The following UMAD1 variants were observed in gnomAD, a reference collection of about 807,000 sequenced individuals.
UMAD1 encodes the protein UBAP1-MVB12-associated (UMA) domain containing 1, also known as UBAP1-MVB12-associated (UMA)-domain containing protein 1.
UMAD1 carries 8 observed loss-of-function variants against 6.1 expected under a neutral mutation model. That is an observed-to-expected ratio of 1.30 (90% confidence interval 0.76 to 2.35). The LOEUF is 2.35. Ranked by LOEUF, UMAD1 falls within the 30% of genes most tolerant of loss-of-function variation. UMAD1 has a pLI of 0.00. For missense variants in UMAD1, 130 were observed against 78.4 expected (o/e 1.66, Z -2.49); for synonymous variants, 56 against 31.4 (o/e 1.78, Z -2.61).
intron 2 of UMAD1, among the ~76,000 whole-genome samples, chr7:7,713,242 G>A (rs1169459521): frequency 9.9e-5 from 15 of 151,996 alleles, no homozygotes; most frequent in Admixed American, 7.2e-4. Context: ...TACTCAGGAG[G>A]CTGAGGCAGG....
At chr7:7,736,601 A>G (rs1443787774) in intron 2 of UMAD1, 6 of 152,124 alleles carry the variant, frequency 3.9e-5, no homozygotes, top group Admixed American at 3.3e-4. Flanking sequence ...ACTGGTTTTC[A>G]TTTCACAGAA....
At chr7:7,777,987 T>C (rs528187320) in intron 2 of UMAD1, among the ~76,000 whole-genome samples, 1 of 152,324 alleles carries the variant, frequency 6.6e-6, no homozygotes, top group East Asian at 1.9e-4. Context: ...AACATAAAAC[T>C]CTGAGACTGT....
At chr7:7,776,616 C>T (rs1214524227) in intron 2 of UMAD1, among the ~76,000 whole-genome samples, 1 of 152,132 alleles carries the variant, frequency 6.6e-6, no homozygotes, top group African/African-American at 2.4e-5. Context: ...GAAACAAAGA[C>T]AGCATGCCAA....
chr7:7,810,684 A>G (rs1783003629), intron 3 of UMAD1, among the ~76,000 whole-genome samples: 1 of 152,164 alleles, frequency 6.6e-6, no homozygotes, highest in East Asian at 1.9e-4. Context: ...TTTGTCTATA[A>G]TGAATGTATC....
At chr7:7,831,506 A>G (rs1783466474) in intron 3 of UMAD1, among the ~76,000 whole-genome samples, 1 of 152,168 alleles carries the variant, frequency 6.6e-6, no homozygotes, top group Admixed American at 6.5e-5. Flanking sequence ...ATCACAGGCC[A>G]CTTTTTACTC....
intron 2 of UMAD1, among the ~76,000 whole-genome samples, chr7:7,711,311 C>T (rs1780756909): frequency 6.6e-6 from 1 of 152,190 alleles, no homozygotes; most frequent in South Asian, 2.1e-4. Flanking sequence ...CATCCTTGTA[C>T]ATGTCTCCTG....
intron 2 of UMAD1, among the ~76,000 whole-genome samples, chr7:7,781,709 A>G (rs1028952526): frequency 1.3e-5 from 2 of 152,044 alleles, no homozygotes; most frequent in Non-Finnish European, 2.9e-5. Flanking sequence ...AAGCTATTGT[A>G]TCTTCTATAT....
chr7:7,726,153 T>C (rs1025505430), intron 2 of UMAD1, among the ~76,000 whole-genome samples: 3 of 152,164 alleles, frequency 2.0e-5, no homozygotes, highest in African/African-American at 4.8e-5. Context: ...GGAAGAGATA[T>C]GTGGATGGAC....
intron 3 of UMAD1, among the ~76,000 whole-genome samples, chr7:7,832,392 C>A (rs1281634556): frequency 6.6e-6 from 1 of 152,096 alleles, no homozygotes; most frequent in Non-Finnish European, 1.5e-5. Context: ...CATCTTATAT[C>A]CTCCTTACTC....
chr7:7,699,494 C>CTG (rs147770298), intron 2 of UMAD1, among the ~76,000 whole-genome samples: 3,964 of 152,188 alleles, frequency 0.026, 175 homozygotes, highest in African/African-American at 0.092. Context: ...TGGCACCAGA[C>CTG]TGAACTAAAC....
chr7:7,838,624 G>T (rs1783617163), intron 3 of UMAD1, among the ~76,000 whole-genome samples: 1 of 152,064 alleles, frequency 6.6e-6, no homozygotes, highest in South Asian at 2.1e-4. Flanking sequence ...ATGAACTCTT[G>T]TACACTGATA....
chr7:7,669,354 G>C (rs748040821), intron 1 of UMAD1, among the ~76,000 whole-genome samples: 19 of 152,246 alleles, frequency 1.2e-4, no homozygotes, highest in Middle Eastern at 3.4e-3. Context: ...GTCTTAGGCA[G>C]GGTAACTAAA....
chr7:7,782,181 G>A, intron 2 of UMAD1, among the ~76,000 whole-genome samples: 1 of 150,776 alleles, frequency 6.6e-6, no homozygotes, highest in African/African-American at 2.4e-5. Flanking sequence ...GTTTTTTTAA[G>A]AATACAATAG....
At chr7:7,856,097 C>T (rs375782044) in intron 3 of UMAD1, among the ~76,000 whole-genome samples, 5 of 152,208 alleles carry the variant, frequency 3.3e-5, no homozygotes, top group African/African-American at 1.2e-4. Context: ...GACTTTACTA[C>T]GTCTTCTAGT....
At chr7:7,720,009 C>T (rs999660778) in intron 2 of UMAD1, among the ~76,000 whole-genome samples, 7 of 152,106 alleles carry the variant, frequency 4.6e-5, no homozygotes, top group Admixed American at 3.9e-4. Flanking sequence ...AATAAAGTTT[C>T]TTCTTCCAGT....
At chr7:7,714,932 G>A (rs17136498) in intron 2 of UMAD1, among the ~76,000 whole-genome samples, 7,782 of 150,742 alleles carry the variant, frequency 0.052, 251 homozygotes, top group Middle Eastern at 0.12. Flanking sequence ...CAGAACAGGG[G>A]CACTAGAATT....
At chr7:7,740,497 T>A (rs1415634481) in intron 2 of UMAD1, among the ~76,000 whole-genome samples, 3 of 152,252 alleles carry the variant, frequency 2.0e-5, no homozygotes, top group African/African-American at 7.2e-5. Context: ...CTTAAAACAT[T>A]CTTTTATTTG....
At chr7:7,729,905 T>C (rs1781214396) in intron 2 of UMAD1, among the ~76,000 whole-genome samples, 1 of 152,248 alleles carries the variant, frequency 6.6e-6, no homozygotes, top group African/African-American at 2.4e-5. Context: ...ACTCGTTCAC[T>C]GAATTCATTG....
intron 2 of UMAD1, among the ~76,000 whole-genome samples, chr7:7,691,925 T>C (rs1405078005): frequency 1.3e-5 from 2 of 152,214 alleles, no homozygotes; most frequent in Non-Finnish European, 2.9e-5. Flanking sequence ...ATTAAAATAC[T>C]CATGCAAATG....
Sources: allele counts gnomAD v4.1 joint callset (sites outside exome capture counted in the v4.1 genomes callset), GRCh38; gene constraint gnomAD v4.1.1; transcripts MANE v1.5; gene names NCBI Gene and HGNC (gene_info 2026-07-23, HGNC 2026-07-21).